Variants in PAMR1 observed in about 807,000 individuals in gnomAD.
PAMR1 encodes the protein inactive serine protease PAMR1.
A neutral mutation model predicts 81.8 loss-of-function variants in PAMR1; 88 were observed. The observed-to-expected ratio is 1.08, with a 90% CI of 0.91 to 1.28. The LOEUF (loss-of-function observed/expected upper bound fraction) is 1.28, where lower values mean the gene tolerates loss of function less well. Among genes scored for constraint, PAMR1 ranks in the 50% most tolerant of loss-of-function variants. The pLI, the probability that PAMR1 is intolerant of heterozygous loss-of-function variation, is 0.00. For synonymous variants in PAMR1, 336 were observed against 345.3 expected (o/e 0.97, Z 0.30); for missense variants, 935 against 919.7 (o/e 1.02, Z -0.21).
At chr11:35,520,612 C>T (rs1851253232) in intron 1 of PAMR1, among the ~76,000 whole-genome samples, 2 of 152,168 alleles carry the variant, frequency 1.3e-5, no homozygotes, top group African/African-American at 4.8e-5. Flanking sequence ...GCATTTCCCT[C>T]CCCTTTAAAA....
At chr11:35,454,964 G>A (rs1856498098) in intron 6 of PAMR1, among the ~76,000 whole-genome samples, 1 of 152,196 alleles carries the variant, frequency 6.6e-6, no homozygotes. Context: ...TCCCTCTGAT[G>A]ATTTGGTGCT....
intron 1 of PAMR1, among the ~76,000 whole-genome samples, chr11:35,496,719 C>A (rs1246548001): frequency 6.6e-6 from 1 of 152,164 alleles, no homozygotes; most frequent in Non-Finnish European, 1.5e-5. Context: ...CCTCTTAAAG[C>A]TAAACAGAAT....
chr11:35,493,971 C>T, intron 2 of PAMR1, 125 bp downstream of exon 2: 1 of 728,140 alleles, frequency 1.4e-6, no homozygotes, highest in South Asian at 1.7e-5. Flanking sequence ...AATTGTGTCA[C>T]TTTTCATAAT....
In PAMR1 at chr11:35,434,757, G is replaced by A. The variant is rs114824436; in HGVS notation, c.1381C>T (p.Arg461Cys). Residue 461 changes from arginine to cysteine, a missense_variant, in exon 10 of 11, where the codon CGC (arginine) becomes TGC (cysteine). Transcript: ENST00000619888. The part of the protein sequence containing the change: ...NITAPKTQGL[R>C]WPWQAAIYRR... Reference sequence around the variant, plus strand: ...TAGATGGCTGCCTGCCACGGCCAGCGCAACCCTTGGGTCTTTGGAGCAGTG... The same window carrying A: ...TAGATGGCTGCCTGCCACGGCCAGCACAACCCTTGGGTCTTTGGAGCAGTG... 745 of 1,614,112 alleles carry A rather than the reference G, an allele frequency of 4.6e-4. 5 individuals carry two copies. The African/African-American group carries it at 7.8e-3, about 17-fold the overall frequency.
intron 3 of PAMR1, among the ~76,000 whole-genome samples, chr11:35,491,219 T>A (rs1045857722): frequency 5.3e-5 from 8 of 152,214 alleles, no homozygotes; most frequent in Admixed American, 5.2e-4. Context: ...GCAGACCATA[T>A]ACTCATCCTT....
chr11:35,478,973 G>A (rs1850332920), intron 3 of PAMR1, among the ~76,000 whole-genome samples: 1 of 152,064 alleles, frequency 6.6e-6, no homozygotes, highest in Non-Finnish European at 1.5e-5. Flanking sequence ...AGGGGCGGCT[G>A]GATAGTCCCT....
upstream of PAMR1, among the ~76,000 whole-genome samples, chr11:35,527,894 T>C (rs539102243): frequency 4.6e-5 from 7 of 152,208 alleles, no homozygotes; most frequent in South Asian, 1.5e-3. Context: ...CACCAACATC[T>C]AGAGAACAAA....
upstream of PAMR1, among the ~76,000 whole-genome samples, chr11:35,526,506 C>T (rs929829998): frequency 5.9e-5 from 9 of 152,274 alleles, no homozygotes; most frequent in East Asian, 1.4e-3. Flanking sequence ...TAAACTCCTC[C>T]GTGCCAGGTG....
rs111451576 is a variant in PAMR1 at position 35,488,815 on chromosome 11, C to T, written c.379+3230G>A. ...CTCGAACTTCTGGGCTCAAGTAATCCACTGCCTTGGCCTCCCAAAGTGCTG... is the reference window on the plus strand; with the variant it reads ...CTCGAACTTCTGGGCTCAAGTAATCTACTGCCTTGGCCTCCCAAAGTGCTG... On this transcript the variant is annotated intron_variant, in intron 3 of 10. Transcript: ENST00000619888. Among the ~76,000 whole-genome samples, 1,365 of 150,470 alleles carry T rather than the reference C, an allele frequency of 9.1e-3. 15 individuals carry two copies. Among genetic ancestry groups the T allele is most frequent in the African/African-American group, 0.031 (1,264 of 40,924 alleles).
At chr11:35,480,601 T>C (rs1020841280) in intron 3 of PAMR1, among the ~76,000 whole-genome samples, 1 of 152,198 alleles carries the variant, frequency 6.6e-6, no homozygotes, top group Non-Finnish European at 1.5e-5. Context: ...GGATTTCCAG[T>C]TGGTTTCTTT....
At chr11:35,512,917 GGAGGTCGAGGCTGCAGT>G (rs1851098734) in intron 1 of PAMR1, among the ~76,000 whole-genome samples, 1 of 152,180 alleles carries the variant, frequency 6.6e-6, no homozygotes, top group Non-Finnish European at 1.5e-5. Flanking sequence ...CATGAGCCTG[GGAGGTCGAGGCTGCAGT>G]GAGTTGTGAT....
intron 1 of PAMR1, among the ~76,000 whole-genome samples, chr11:35,499,591 C>T (rs1227937028): frequency 1.3e-5 from 2 of 152,200 alleles, no homozygotes; most frequent in Non-Finnish European, 2.9e-5. Flanking sequence ...TGCCAGGGGT[C>T]TCCCTTTTAC....
intron 1 of PAMR1, among the ~76,000 whole-genome samples, chr11:35,508,334 C>T (rs1851010399): frequency 6.6e-6 from 1 of 152,044 alleles, no homozygotes; most frequent in South Asian, 2.1e-4. Context: ...AAGTTCAATT[C>T]TCTTACCATC....
chr11:35,523,915 T>C lies in PAMR1; in HGVS notation c.73+1598A>G, dbSNP rs187583920. On this transcript the variant is annotated intron_variant, in intron 1 of 10. Transcript: ENST00000619888. ...AGAAATAAATGGATTTTTCAGATTC[T>C]GGGCTAGGAAAAAGAGCCAGCTCAG... Among the ~76,000 whole-genome samples the C allele has an allele frequency of 9.7e-4, 148 of 152,356 alleles. 1 individual carries two copies. The highest frequency in any genetic ancestry group is 3.4e-3 in the Middle Eastern group (1 of 294).
intron 4 of PAMR1, among the ~76,000 whole-genome samples, chr11:35,473,831 G>C (rs1043955827): frequency 6.6e-6 from 1 of 152,166 alleles, no homozygotes; most frequent in African/African-American, 2.4e-5. Context: ...TCACCACAGG[G>C]TTAAAATGAG....
intron 1 of PAMR1, among the ~76,000 whole-genome samples, chr11:35,506,117 A>T (rs1249689888): frequency 1.5e-5 from 1 of 66,832 alleles, no homozygotes; most frequent in Non-Finnish European, 3.0e-5. Context: ...TTAGATCACT[A>T]AAAAAAAAAA....
At chr11:35,503,878 G>A (rs983576639) in intron 1 of PAMR1, among the ~76,000 whole-genome samples, 1 of 151,832 alleles carries the variant, frequency 6.6e-6, no homozygotes, top group Non-Finnish European at 1.5e-5. Context: ...TTGTCTAATT[G>A]CTCTGGCCAA....
At chr11:35,489,929 T>C (rs1252575377) in intron 3 of PAMR1, among the ~76,000 whole-genome samples, 1 of 152,244 alleles carries the variant, frequency 6.6e-6, no homozygotes, top group Non-Finnish European at 1.5e-5. Flanking sequence ...CTAGCTTACC[T>C]ACCTACAAGG....
intron 4 of PAMR1, among the ~76,000 whole-genome samples, chr11:35,474,020 C>A (rs1426273028): frequency 1.3e-5 from 2 of 152,208 alleles, no homozygotes; most frequent in Non-Finnish European, 2.9e-5. Context: ...CACTATGATG[C>A]AGTCATGAAC....
Sources: allele counts gnomAD v4.1 joint callset (sites outside exome capture counted in the v4.1 genomes callset), GRCh38; gene constraint gnomAD v4.1.1; transcripts MANE v1.5; gene names NCBI Gene and HGNC (gene_info 2026-07-23, HGNC 2026-07-21).